COL4A1: variants seen among roughly 807,000 people sequenced by gnomAD.
The protein encoded by COL4A1 is collagen alpha-1(IV) chain.
Under a neutral mutation model 216.6 loss-of-function variants are expected in COL4A1, and 40 were observed. The ratio of observed to expected loss-of-function variants is 0.18; its 90% confidence interval spans 0.14 to 0.24. The LOEUF is 0.24. Ranked by LOEUF, COL4A1 falls within the 10% of genes least tolerant of loss-of-function variation. The probability of loss-of-function intolerance (pLI) is 1.00; values close to 1 mark genes in which losing one functional copy is unlikely to be tolerated. For missense variants in COL4A1, 1,628 were observed against 2,196.8 expected (o/e 0.74, Z 5.18); for synonymous variants, 839 against 810.7 (o/e 1.03, Z -0.59).
chr13:110,216,916 T>C (rs906394774), intron 2 of COL4A1, among the ~76,000 whole-genome samples: 1 of 152,116 alleles, frequency 6.6e-6, no homozygotes, highest in Non-Finnish European at 1.5e-5. Context: ...AAATCCAAAT[T>C]CCCAGACCTT....
At chr13:110,254,694 C>T (rs923149462) in intron 1 of COL4A1, among the ~76,000 whole-genome samples, 1 of 152,116 alleles carries the variant, frequency 6.6e-6, no homozygotes, top group Non-Finnish European at 1.5e-5. Flanking sequence ...TCTTCTCCCC[C>T]AGAATAGCGA....
chr13:110,201,350 AGGAGGAGGAAGAGGAC>A, intron 19 of COL4A1, 72 bp downstream of exon 19: 2 of 840,400 alleles, frequency 2.4e-6, no homozygotes, highest in Non-Finnish European at 3.7e-6. Flanking sequence ...GAACAGGAGG[AGGAGGAGGAAGAGGAC>A]GAGGAGGAGG....
chr13:110,167,678 C>G (rs1877408451), intron 43 of COL4A1, among the ~76,000 whole-genome samples: 1 of 152,170 alleles, frequency 6.6e-6, no homozygotes, highest in South Asian at 2.1e-4. Flanking sequence ...CATGTCTTAT[C>G]TGAAAACTGA....
intron 12 of COL4A1, among the ~76,000 whole-genome samples, chr13:110,208,648 A>G (rs1437040889): frequency 6.6e-6 from 1 of 152,224 alleles, no homozygotes; most frequent in African/African-American, 2.4e-5. Flanking sequence ...GAGCACTTCC[A>G]TAAATTCTAG....
At chr13:110,288,262 C>CAAAAA (rs67261918) in intron 1 of COL4A1, among the ~76,000 whole-genome samples, 2 of 144,916 alleles carry the variant, frequency 1.4e-5, no homozygotes, top group African/African-American at 5.1e-5. Context: ...AACTCCCTCT[C>CAAAAA]AAAAAAAAAA....
chr13:110,299,660 C>T (rs950036686), intron 1 of COL4A1, among the ~76,000 whole-genome samples: 6 of 152,222 alleles, frequency 3.9e-5, no homozygotes, highest in African/African-American at 1.2e-4. Context: ...GGACTGTCTC[C>T]TCTCTGGATG....
chr13:110,200,725 A>G, intron 20 of COL4A1, 129 bp downstream of exon 20: 1 of 1,030,638 alleles, frequency 9.7e-7, no homozygotes, highest in Admixed American at 2.0e-5. Context: ...TCATCACTAG[A>G]AAAGATGTCG....
intron 47 of COL4A1, among the ~76,000 whole-genome samples, chr13:110,163,094 T>C (rs1024704330): frequency 2.0e-5 from 3 of 152,218 alleles, no homozygotes; most frequent in African/African-American, 4.8e-5. Context: ...GCAGATCAAG[T>C]TCATCCCATG....
At chr13:110,306,825 G>T in intron 1 of COL4A1, 119 bp downstream of exon 1, 1 of 904,788 alleles carries the variant, frequency 1.1e-6, no homozygotes, top group Non-Finnish European at 1.5e-6. Context: ...AATGCACCTG[G>T]CCGTGCCACG....
At chr13:110,177,325 T>C (rs1877933067) in intron 33 of COL4A1, among the ~76,000 whole-genome samples, 1 of 152,206 alleles carries the variant, frequency 6.6e-6, no homozygotes, top group African/African-American at 2.4e-5. Flanking sequence ...TTCCTACATA[T>C]CTTTATCACT....
intron 2 of COL4A1, among the ~76,000 whole-genome samples, chr13:110,222,768 G>T (rs1282282108): frequency 1.9e-5 from 1 of 52,244 alleles, no homozygotes; most frequent in African/African-American, 6.9e-5. Flanking sequence ...GCCAGACTCT[G>T]CTTTAAAAAA....
In COL4A1 at chr13:110,307,009, C is replaced by G. The variant is rs9515185; in HGVS notation, c.19G>C (p.Val7Leu). MGPRLSVWLLLLPAALL... is the reference protein window; with the variant it reads MGPRLSLWLLLLPAALL... ...GCGGCGGGCAGCAGCAGCAGCCAGA[C>G]GCTGAGCCGGGGCCCCATGGTGGCG... is the stretch of plus-strand genomic sequence containing the variant. The change falls in exon 1 of 52, where the codon GTC becomes CTC. Residue 7 changes from valine to leucine, a missense_variant. Val to Leu is a conservative substitution (Grantham distance 32). Coordinates refer to ENST00000375820, the MANE Select transcript of COL4A1 (RefSeq NM_001845.6). This position sits in a 1 kb window ranked among gnomAD's most constrained non-coding sequence, Gnocchi z 5.0. The G allele has an allele frequency of 0.41, 602,887 of 1,473,912 alleles. 126,325 individuals carry two copies. The highest frequency in any genetic ancestry group is 0.6 in the East Asian group (20,853 of 34,474). The allele number at this position is 1,473,912 out of a possible 1,614,324, so 91.3% of individuals were successfully genotyped here. A position where few individuals can be genotyped will look rare whatever the true frequency, so the allele number is the denominator to read the frequency against.
chr13:110,203,822 C>A (rs552601587), intron 17 of COL4A1, among the ~76,000 whole-genome samples: 1 of 152,072 alleles, frequency 6.6e-6, no homozygotes, highest in African/African-American at 2.4e-5. Context: ...AAATAAAGAT[C>A]TCTGCAAAAT....
chr13:110,160,985 G>A (rs188109171), intron 49 of COL4A1: 24 of 621,636 alleles, frequency 3.9e-5, no homozygotes, highest in Middle Eastern at 4.4e-4. Context: ...TTGGGATTAC[G>A]GGCATGAGCC....
intron 2 of COL4A1, among the ~76,000 whole-genome samples, chr13:110,228,516 C>T (rs1387777503): frequency 1.3e-5 from 2 of 151,144 alleles, no homozygotes; most frequent in Admixed American, 6.6e-5. Flanking sequence ...ACCCAGAATG[C>T]GAATGAGCAG....
At chr13:110,278,401 A>G (rs1193195020) in intron 1 of COL4A1, among the ~76,000 whole-genome samples, 1 of 152,110 alleles carries the variant, frequency 6.6e-6, no homozygotes, top group Non-Finnish European at 1.5e-5. Context: ...TTCTGGAAAT[A>G]CCTGCGTATT....
At chr13:110,251,397 C>G (rs567707386) in intron 1 of COL4A1, among the ~76,000 whole-genome samples, 1 of 152,270 alleles carries the variant, frequency 6.6e-6, no homozygotes, top group African/African-American at 2.4e-5. Flanking sequence ...GTGCCAGGCA[C>G]TCCTTCACAG....
chr13:110,218,717 T>A (rs1414844750), intron 2 of COL4A1, among the ~76,000 whole-genome samples: 1 of 152,134 alleles, frequency 6.6e-6, no homozygotes, highest in Non-Finnish European at 1.5e-5. Flanking sequence ...TAGGCACCAT[T>A]CCAGACTGGC....
At chr13:110,302,719 C>G (rs967806405) in intron 1 of COL4A1, among the ~76,000 whole-genome samples, 1 of 152,190 alleles carries the variant, frequency 6.6e-6, no homozygotes, top group Admixed American at 6.5e-5. Flanking sequence ...AAAACATGCT[C>G]TGGTTGACAT....
Sources: gnomAD v4.1 joint callset for allele counts (sites outside exome capture counted in the v4.1 genomes callset) on GRCh38, gnomAD v4.1.1 for gene constraint, Gnocchi (gnomAD v3.1) non-coding constraint, MANE v1.5 for transcripts, NCBI Gene and HGNC (gene_info 2026-07-23, HGNC 2026-07-21) for gene names.